The following AKAP6 variants were observed in gnomAD, a reference collection of about 807,000 sequenced individuals.
AKAP6 encodes the protein A-kinase anchoring protein 6.
Under a neutral mutation model 188.5 loss-of-function variants are expected in AKAP6, and 58 were observed. That is an observed-to-expected ratio of 0.31 (90% confidence interval 0.25 to 0.38). The LOEUF is 0.38. AKAP6 is among the 10% of genes least tolerant of loss of function. The probability of loss-of-function intolerance (pLI) is 1.00; values close to 1 mark genes in which losing one functional copy is unlikely to be tolerated. For missense variants in AKAP6, 2,710 were observed against 2,740.0 expected, an observed-to-expected ratio of 0.99 and a Z score of 0.24; for synonymous variants, 989 against 998.6, an observed-to-expected ratio of 0.99 and a Z score of 0.18.
chr14:32,564,023 A>G (rs1446073426), intron 4 of AKAP6, among the ~76,000 whole-genome samples: 1 of 152,166 alleles, frequency 6.6e-6, no homozygotes, highest in East Asian at 1.9e-4. Context: ...AAAATCAATG[A>G]TGCTCAAGTC....
intron 3 of AKAP6, among the ~76,000 whole-genome samples, chr14:32,539,493 A>G (rs1882826667): frequency 6.6e-6 from 1 of 152,126 alleles, no homozygotes; most frequent in Non-Finnish European, 1.5e-5. Context: ...CTCCCACAGC[A>G]CATAGTTCAT....
chr14:32,657,570 C>G (rs1888507037), intron 7 of AKAP6, among the ~76,000 whole-genome samples: 1 of 152,062 alleles, frequency 6.6e-6, no homozygotes, highest in Non-Finnish European at 1.5e-5. Flanking sequence ...CTAAATATTG[C>G]CTTATATCCA....
intron 1 of AKAP6, among the ~76,000 whole-genome samples, chr14:32,365,529 G>A (rs1307036740): frequency 6.6e-6 from 1 of 152,050 alleles, no homozygotes; most frequent in African/African-American, 2.4e-5. Context: ...TTTCCTATCT[G>A]TATAACCTCC....
chr14:32,415,475 CT>C (rs1252894516), intron 1 of AKAP6, among the ~76,000 whole-genome samples: 1 of 152,068 alleles, frequency 6.6e-6, no homozygotes, highest in Non-Finnish European at 1.5e-5. Context: ...AACAACATTT[CT>C]TTTCTATTTC....
chr14:32,604,906 C>T (rs1354842494), intron 7 of AKAP6, among the ~76,000 whole-genome samples: 1 of 152,080 alleles, frequency 6.6e-6, no homozygotes, highest in Admixed American at 6.6e-5. Flanking sequence ...ATTTGCTGCA[C>T]CTATTAACCC....
intron 1 of AKAP6, among the ~76,000 whole-genome samples, chr14:32,390,268 G>C (rs1888667309): frequency 1.3e-5 from 2 of 151,872 alleles, no homozygotes; most frequent in African/African-American, 4.8e-5. Context: ...GCATTTTTTG[G>C]ATTTCCTTAC....
chr14:32,806,571 G>T (rs1201077216), intron 12 of AKAP6, among the ~76,000 whole-genome samples: 2 of 152,144 alleles, frequency 1.3e-5, no homozygotes, highest in Non-Finnish European at 2.9e-5. Context: ...CAGCTACTCA[G>T]AAGGCTGAGG....
chr14:32,812,468 A>G (rs1041045738), intron 12 of AKAP6, among the ~76,000 whole-genome samples: 16 of 152,206 alleles, frequency 1.1e-4, no homozygotes, highest in African/African-American at 2.7e-4. Flanking sequence ...AACACCAAAT[A>G]TAGTGACTGA....
intron 7 of AKAP6, among the ~76,000 whole-genome samples, chr14:32,638,972 T>G (rs1887641892): frequency 6.6e-6 from 1 of 152,068 alleles, no homozygotes; most frequent in Admixed American, 6.6e-5. Flanking sequence ...TGTGTTTTAG[T>G]GGGAATTTTG....
chr14:32,333,210 T>G (rs1886587253), intron 1 of AKAP6, among the ~76,000 whole-genome samples: 1 of 152,140 alleles, frequency 6.6e-6, no homozygotes. Flanking sequence ...GTACAATGAC[T>G]ACAGGAGTTA....
intron 12 of AKAP6, among the ~76,000 whole-genome samples, chr14:32,774,271 G>T (rs1019978732): frequency 6.6e-6 from 1 of 152,118 alleles, no homozygotes; most frequent in Non-Finnish European, 1.5e-5. Context: ...TGAATATTTT[G>T]CTAGAAAGTA....
At chr14:32,746,504 A>G (rs989676863) in intron 11 of AKAP6, among the ~76,000 whole-genome samples, 6 of 152,042 alleles carry the variant, frequency 3.9e-5, no homozygotes, top group African/African-American at 1.2e-4. Flanking sequence ...TAAAATTTTG[A>G]CTGCTGCCCT....
At chr14:32,463,393 A>G (rs1891418859) in intron 2 of AKAP6, among the ~76,000 whole-genome samples, 2 of 152,196 alleles carry the variant, frequency 1.3e-5, no homozygotes, top group African/African-American at 4.8e-5. Flanking sequence ...AAATCATAAC[A>G]AACAGTCTCT....
chr14:32,335,728 C>T (rs1344063284), intron 1 of AKAP6, among the ~76,000 whole-genome samples: 1 of 151,760 alleles, frequency 6.6e-6, no homozygotes, highest in African/African-American at 2.4e-5. Context: ...AATTCTCTTG[C>T]CCTTTGTTTA....
At chr14:32,437,633 G>A (rs549169039) in intron 2 of AKAP6, among the ~76,000 whole-genome samples, 16 of 151,860 alleles carry the variant, frequency 1.1e-4, no homozygotes, top group Admixed American at 7.2e-4. Flanking sequence ...GTCTCACTCC[G>A]TCACCCAGAC....
chr14:32,790,558 G>C (rs2033576883), intron 12 of AKAP6, among the ~76,000 whole-genome samples: 1 of 151,896 alleles, frequency 6.6e-6, no homozygotes, highest in East Asian at 1.9e-4. Context: ...AGAGATTGGG[G>C]GCTAATGTTC....
chr14:32,599,383 GT>G (rs1885831995), intron 5 of AKAP6, 26 bp from the exon 6 acceptor site: 2 of 1,590,586 alleles, frequency 1.3e-6, no homozygotes, highest in East Asian at 4.5e-5. Flanking sequence ...CCTTGCCAGG[GT>G]TTAATGTTCA....
At chr14:32,353,648 G>T (rs1277113025) in intron 1 of AKAP6, among the ~76,000 whole-genome samples, 2 of 149,512 alleles carry the variant, frequency 1.3e-5, no homozygotes, top group African/African-American at 5.0e-5. Context: ...GATTCAATTA[G>T]GAAAAGAGGA....
chr14:32,518,144 G>A (rs1027933159), intron 2 of AKAP6, among the ~76,000 whole-genome samples: 4 of 151,130 alleles, frequency 2.6e-5, no homozygotes, highest in African/African-American at 9.8e-5. Flanking sequence ...ACTGTTAGAA[G>A]GAAAACTAAC....
Sources: gnomAD v4.1 joint callset for allele counts (sites outside exome capture counted in the v4.1 genomes callset) on GRCh38, gnomAD v4.1.1 for gene constraint, MANE v1.5 for transcripts, NCBI Gene and HGNC (gene_info 2026-07-23, HGNC 2026-07-21) for gene names.